Variants in ZSCAN25 observed in about 807,000 individuals in gnomAD.
The protein encoded by ZSCAN25 is zinc finger and SCAN domain containing 25.
Under a neutral mutation model 38.7 loss-of-function variants are expected in ZSCAN25, and 27 were observed. That is an observed-to-expected ratio of 0.70 (90% confidence interval 0.51 to 0.96). The LOEUF is 0.96. Among genes scored for constraint, ZSCAN25 ranks in the 40% least tolerant of loss-of-function variants. The pLI, the probability that ZSCAN25 is intolerant of heterozygous loss-of-function variation, is 0.00. For missense variants in ZSCAN25, 637 were observed against 705.9 expected (o/e 0.90, Z 1.11); for synonymous variants, 273 against 277.7 (o/e 0.98, Z 0.17).
the ZSCAN25 span, among the ~76,000 whole-genome samples, chr7:99,670,546 C>T: frequency 3.3e-5 from 5 of 152,102 alleles, no homozygotes; most frequent in Admixed American, 6.5e-5. Context: ...CATTTTCAGT[C>T]GACATATATA....
chr7:99,702,135 G>C, the ZSCAN25 span, among the ~76,000 whole-genome samples: 1 of 150,370 alleles, frequency 6.7e-6, no homozygotes, highest in African/African-American at 2.5e-5. Context: ...TGTTGCCCAG[G>C]CTGGCATGCA....
the ZSCAN25 span, among the ~76,000 whole-genome samples, chr7:99,679,668 A>G: frequency 3.9e-5 from 6 of 152,262 alleles, no homozygotes; most frequent in African/African-American, 1.4e-4. Context: ...ATAGATCTGC[A>G]TAAGATAATA....
rs750269750 is a variant in ZSCAN25, at chr7:99,630,860, G to A, written c.*840G>A. ...AAACATCAGAGTATTTTAAAAAACA[G>A]TTCTCTAGAAAGAACTGTTATAATT... On this transcript the variant is annotated 3_prime_UTR_variant, in exon 8 of 8. Coordinates refer to ENST00000394152, the MANE Select transcript of ZSCAN25 (RefSeq NM_145115.3). 1.0e-6 allele frequency: 1 copy of A among 984,556 alleles called. No homozygotes were observed. Among genetic ancestry groups the A allele is most frequent in the African/African-American group, 1.7e-5 (1 of 57,204 alleles). The allele number at this position is 984,556 out of a possible 1,614,324, so 61.0% of individuals were successfully genotyped here.
chr7:99,734,064 G>A, the ZSCAN25 span, among the ~76,000 whole-genome samples: 4 of 152,248 alleles, frequency 2.6e-5, no homozygotes, highest in South Asian at 2.1e-4. Flanking sequence ...GCTGGAAATA[G>A]TCTATCTCCA....
chr7:99,643,079 CT>C, the ZSCAN25 span, among the ~76,000 whole-genome samples: 1 of 151,792 alleles, frequency 6.6e-6, no homozygotes, highest in Admixed American at 6.6e-5. Context: ...GTTATTTTTT[CT>C]TTTTTTCAAA....
the ZSCAN25 span, chr7:99,695,782 A>G: frequency 6.2e-7 from 1 of 1,613,636 alleles, no homozygotes; most frequent in Non-Finnish European, 8.5e-7. Context: ...AAAAAAGCAG[A>G]GGTGTGGGCC....
chr7:99,657,784 A>G, the ZSCAN25 span, among the ~76,000 whole-genome samples: 1 of 152,152 alleles, frequency 6.6e-6, no homozygotes, highest in Non-Finnish European at 1.5e-5. Context: ...GGGTGCATAT[A>G]TATTTAGGAT....
chr7:99,652,589 T>C, the ZSCAN25 span: 2 of 1,613,874 alleles, frequency 1.2e-6, no homozygotes, highest in Non-Finnish European at 1.7e-6. Context: ...TGTCCAGTAC[T>C]TTGGGTCATG....
At chr7:99,701,990 G>C in the ZSCAN25 span, among the ~76,000 whole-genome samples, 1 of 151,926 alleles carries the variant, frequency 6.6e-6, no homozygotes, top group African/African-American at 2.4e-5. Flanking sequence ...GCCTGTGCTT[G>C]TGGGGTATTA....
At chr7:99,617,954 AAG>A (rs1251441435) in intron 1 of ZSCAN25, among the ~76,000 whole-genome samples, 2 of 152,244 alleles carry the variant, frequency 1.3e-5, no homozygotes, top group Admixed American at 6.5e-5. Flanking sequence ...AAAGGAATGA[AAG>A]AGAAATCTCA....
At chr7:99,639,074 C>T in the ZSCAN25 span, among the ~76,000 whole-genome samples, 1 of 152,248 alleles carries the variant, frequency 6.6e-6, no homozygotes. Flanking sequence ...ATCCTGGCCT[C>T]AACCTACCAG....
the ZSCAN25 span, chr7:99,663,973 G>A: frequency 6.3e-7 from 1 of 1,580,408 alleles, no homozygotes. Context: ...TTTACCTTTT[G>A]TTTGTCGTTG....
chr7:99,656,181 G>A, the ZSCAN25 span, among the ~76,000 whole-genome samples: 1 of 152,154 alleles, frequency 6.6e-6, no homozygotes, highest in Admixed American at 6.5e-5. Flanking sequence ...AATGATTCCA[G>A]TTTTTGTCCA....
the ZSCAN25 span, among the ~76,000 whole-genome samples, chr7:99,702,438 G>C: frequency 2.0e-5 from 3 of 152,120 alleles, no homozygotes; most frequent in African/African-American, 7.2e-5. Flanking sequence ...TGTCTGGTGA[G>C]ATATAGGGGT....
At chr7:99,701,808 C>T in the ZSCAN25 span, among the ~76,000 whole-genome samples, 1 of 151,968 alleles carries the variant, frequency 6.6e-6, no homozygotes, top group African/African-American at 2.4e-5. Context: ...GAATTTTTTC[C>T]AAAGAGTTGT....
At chr7:99,662,045 TG>T in the ZSCAN25 span, among the ~76,000 whole-genome samples, 1 of 152,244 alleles carries the variant, frequency 6.6e-6, no homozygotes, top group Non-Finnish European at 1.5e-5. This position sits in a 1 kb window ranked among gnomAD's most constrained non-coding sequence, Gnocchi z 4.3. Flanking sequence ...GATAGATAGA[TG>T]ATTAATTGAT....
chr7:99,631,658 T>C lies in ZSCAN25; in HGVS notation c.*1638T>C, dbSNP rs1441551503. The C allele has an allele frequency of 1.0e-6, 1 of 985,212 alleles. No homozygotes were observed. The highest frequency in any genetic ancestry group is 1.2e-6 in the Non-Finnish European group (1 of 829,892). 61.0% of individuals were successfully genotyped at this position (985,212 alleles called of 1,614,324 possible). A position where few individuals can be genotyped will look rare whatever the true frequency, so the allele number is the denominator to read the frequency against. On this transcript the variant is annotated 3_prime_UTR_variant, in exon 8 of 8. Coordinates refer to ENST00000394152, the MANE Select transcript of ZSCAN25 (RefSeq NM_145115.3). ...TTTCCATTGTAAATAAGGTAAATGG[T>C]AATGACTAACACAAAGCTGTATTAC...
chr7:99,699,946 A>G, the ZSCAN25 span: 79 of 1,552,328 alleles, frequency 5.1e-5, no homozygotes, highest in Non-Finnish European at 6.8e-5. Context: ...GAGGAGAGGA[A>G]TCTGGACAGT....
chr7:99,646,353 G>A, the ZSCAN25 span, among the ~76,000 whole-genome samples: 1 of 151,990 alleles, frequency 6.6e-6, no homozygotes, highest in African/African-American at 2.4e-5. Flanking sequence ...TAATTCCTAG[G>A]TATTTAATTT....
Sources: gnomAD v4.1 joint callset for allele counts (sites outside exome capture counted in the v4.1 genomes callset) on GRCh38, gnomAD v4.1.1 for gene constraint, Gnocchi (gnomAD v3.1) non-coding constraint, MANE v1.5 for transcripts, NCBI Gene and HGNC (gene_info 2026-07-23, HGNC 2026-07-21) for gene names.